MTHFD2: variants seen among roughly 807,000 people sequenced by gnomAD.
MTHFD2 encodes bifunctional methylenetetrahydrofolate dehydrogenase/cyclohydrolase, mitochondrial.
In MTHFD2, 26 loss-of-function variants were observed where a neutral mutation model predicts 36.8. The ratio of observed to expected loss-of-function variants is 0.71; its 90% CI spans 0.52 to 0.98. MTHFD2 has a LOEUF of 0.98. MTHFD2 is among the 50% of genes least tolerant of loss of function. MTHFD2 has a pLI of 0.00. For missense variants in MTHFD2, 373 were observed against 434.0 expected (o/e 0.86, Z 1.25); for synonymous variants, 164 against 155.2 (o/e 1.06, Z -0.42).
chr2:74,207,683 C>T, intron 2 of MTHFD2, 21 bp from the exon 3 acceptor site: 1 of 1,583,986 alleles, frequency 6.3e-7, no homozygotes, highest in Non-Finnish European at 8.6e-7. Context: ...ATTTTTTTAA[C>T]CTCAAAATTT....
At chr2:74,198,941 CG>C (rs1383897623) in intron 1 of MTHFD2, among the ~76,000 whole-genome samples, 199 bp downstream of exon 1, 8 of 152,106 alleles carry the variant, frequency 5.3e-5, no homozygotes, top group Non-Finnish European at 1.2e-4. Flanking sequence ...TTCCTCGGCG[CG>C]GAGGGCTGGT....
At chr2:74,205,462 T>C (rs1241974236) in intron 1 of MTHFD2, among the ~76,000 whole-genome samples, 1 of 152,090 alleles carries the variant, frequency 6.6e-6, no homozygotes, top group East Asian at 1.9e-4. Context: ...AATAATGATT[T>C]CTATCAACTT....
intron 1 of MTHFD2, among the ~76,000 whole-genome samples, chr2:74,205,276 G>T (rs1694151496): frequency 6.6e-6 from 1 of 152,166 alleles, no homozygotes; most frequent in Non-Finnish European, 1.5e-5. Flanking sequence ...AAGCAGATAA[G>T]AAAAACTATT....
chr2:74,204,166 G>A lies in MTHFD2; in HGVS notation c.102-1539G>A, dbSNP rs570596130. ...TGACCTCAAGCAATCCACCCTCCTC[G>A]GCCTCCTAAAGTGCTGGGATTACAG... On this transcript the variant is annotated intron_variant, in intron 1 of 7. Coordinates refer to ENST00000394053, the MANE Select transcript of MTHFD2 (RefSeq NM_006636.4). Among the ~76,000 whole-genome samples, 372 of 152,104 alleles carry A rather than the reference G, an allele frequency of 2.4e-3. 2 individuals carry two copies. Among genetic ancestry groups the A allele is most frequent in the African/African-American group, 8.4e-3 (348 of 41,480 alleles).
At chr2:74,209,645 C>G (rs1228449573) in intron 4 of MTHFD2, among the ~76,000 whole-genome samples, 1 of 151,974 alleles carries the variant, frequency 6.6e-6, no homozygotes, top group East Asian at 1.9e-4. Flanking sequence ...AATTCTCCTA[C>G]CTTAGCCTCC....
chr2:74,207,850 A>G (rs767149883), intron 3 of MTHFD2, 24 bp downstream of exon 3: 3 of 1,569,834 alleles, frequency 1.9e-6, no homozygotes, highest in Admixed American at 3.4e-5. Flanking sequence ...TCCATTTAAC[A>G]TGATTGCTGC....
chr2:74,208,508 A>G (rs527705951), intron 3 of MTHFD2, 61 bp from the exon 4 acceptor site: 180 of 1,549,562 alleles, frequency 1.2e-4, no homozygotes, highest in Non-Finnish European at 1.5e-4. Flanking sequence ...GATAAGCTGG[A>G]GTCAGGCAGT....
intron 1 of MTHFD2, among the ~76,000 whole-genome samples, chr2:74,200,624 G>A (rs1694020217): frequency 6.6e-6 from 1 of 151,760 alleles, no homozygotes; most frequent in South Asian, 2.1e-4. Flanking sequence ...TAGCCTAGGA[G>A]ACAGTGGGAT....
At chr2:74,200,077 A>G (rs1694008177) in intron 1 of MTHFD2, among the ~76,000 whole-genome samples, 1 of 152,210 alleles carries the variant, frequency 6.6e-6, no homozygotes, top group South Asian at 2.1e-4. Context: ...AAATATTTCA[A>G]AGGCGCTGCT....
chr2:74,210,460 C>G (rs184611474), intron 5 of MTHFD2, among the ~76,000 whole-genome samples: 192 of 152,248 alleles, frequency 1.3e-3, no homozygotes, highest in African/African-American at 4.4e-3. Context: ...TTAATTGGTT[C>G]TAAGGTAAAG....
Position 74,214,971 on chromosome 2 carries a change from T to TGTCATATTTGGCTTTTGCTA in MTHFD2, c.*730_*749dup, listed in dbSNP as rs1694400504. 6.6e-6 allele frequency: 1 copy of TGTCATATTTGGCTTTTGCTA among 152,654 alleles called. No homozygotes were observed. Among genetic ancestry groups the TGTCATATTTGGCTTTTGCTA allele is most frequent in the African/African-American group, 2.4e-5 (1 of 41,472 alleles). The allele number at this position is 152,654 out of a possible 1,614,324, so 9.5% of individuals were successfully genotyped here. ...TCTTTTCTACATTATACATGTGTGTTGTCATATTTGGCTTTTGCTATATAC... is the reference window on the plus strand; with the variant it reads ...TCTTTTCTACATTATACATGTGTGTTGTCATATTTGGCTTTTGCTAGTCATATTTGGCTTTTGCTATATAC... On this transcript the variant is annotated 3_prime_UTR_variant, in exon 8 of 8. Coordinates refer to ENST00000394053, the MANE Select transcript of MTHFD2 (RefSeq NM_006636.4).
At chr2:74,201,078 C>G (rs1694032962) in intron 1 of MTHFD2, among the ~76,000 whole-genome samples, 1 of 152,164 alleles carries the variant, frequency 6.6e-6, no homozygotes, top group Non-Finnish European at 1.5e-5. Flanking sequence ...ACCTCTGCCT[C>G]CTGGGTTCAA....
chr2:74,216,949 T>G lies in MTHFD2; in HGVS notation c.*2707T>G, dbSNP rs1694464304. On this transcript the variant is annotated 3_prime_UTR_variant, in exon 8 of 8. Transcript: ENST00000394053. Reference sequence around the variant, plus strand: ...GCATAGGAGATGGTTCTGGAAATTCTAAGAAATTCTGCTCTCAGTAAGAGT... The same window carrying G: ...GCATAGGAGATGGTTCTGGAAATTCGAAGAAATTCTGCTCTCAGTAAGAGT... The G allele has an allele frequency of 6.6e-6, 1 of 152,226 alleles. No homozygotes were observed. The highest frequency in any genetic ancestry group is 6.5e-5 in the Admixed American group (1 of 15,278). The allele number at this position is 152,226 out of a possible 1,614,324, so 9.4% of individuals were successfully genotyped here.
intron 5 of MTHFD2, among the ~76,000 whole-genome samples, chr2:74,210,936 G>A (rs1247155163): frequency 2.6e-5 from 4 of 152,108 alleles, no homozygotes; most frequent in African/African-American, 7.2e-5. Context: ...ACAGGCATGC[G>A]CCACCACGCC....
intron 4 of MTHFD2, among the ~76,000 whole-genome samples, chr2:74,209,359 C>T (rs1396758130): frequency 1.3e-5 from 2 of 152,052 alleles, no homozygotes; most frequent in Non-Finnish European, 2.9e-5. Flanking sequence ...TCTCCTGCCT[C>T]AGCCTCCTGA....
At chr2:74,206,039 G>GA in intron 2 of MTHFD2, 150 bp downstream of exon 2, 1 of 732,916 alleles carries the variant, frequency 1.4e-6, no homozygotes, top group Non-Finnish European at 2.2e-6. Flanking sequence ...TTTGTCATAG[G>GA]AAATCAGACT....
chr2:74,205,677 G>T, intron 1 of MTHFD2, 28 bp from the exon 2 acceptor site: 2 of 1,607,494 alleles, frequency 1.2e-6, no homozygotes, highest in South Asian at 2.2e-5. Context: ...CAAGTTATTT[G>T]GTTTTGTGAC....
chr2:74,211,944 CTTTTT>C (rs71406866), intron 7 of MTHFD2, 78 bp downstream of exon 7: 1,859 of 461,326 alleles, frequency 4.0e-3, no homozygotes, highest in Non-Finnish European at 4.6e-3. Context: ...AGATTATTTA[CTTTTT>C]TTTTTTTTTT....
At chr2:74,211,140 GA>G in intron 5 of MTHFD2, 58 bp from the exon 6 acceptor site, 1 of 1,123,232 alleles carries the variant, frequency 8.9e-7, no homozygotes, top group Non-Finnish European at 1.4e-6. Context: ...GACTAGTTGA[GA>G]CCTAATCCAA....
Sources: allele counts gnomAD v4.1 joint callset (sites outside exome capture counted in the v4.1 genomes callset), GRCh38; gene constraint gnomAD v4.1.1; transcripts MANE v1.5; gene names NCBI Gene and HGNC (gene_info 2026-07-23, HGNC 2026-07-21).